Variants in ADARB2 observed in about 807,000 individuals in gnomAD.
The protein encoded by ADARB2 is inactive double-stranded RNA-specific editase B2.
Under a neutral mutation model 62.2 loss-of-function variants are expected in ADARB2, and 25 were observed. That is an observed-to-expected ratio of 0.40 (90% CI 0.29 to 0.56). The LOEUF (loss-of-function observed/expected upper bound fraction) is 0.56, where lower values mean the gene tolerates loss of function less well. Among genes scored for constraint, ADARB2 ranks in the 20% least tolerant of loss-of-function variants. The pLI, the probability that ADARB2 is intolerant of heterozygous loss-of-function variation, is 0.43. For synonymous variants in ADARB2, 572 were observed against 500.8 expected (o/e 1.14, Z -1.90); for missense variants, 1,071 against 1,077.4 (o/e 0.99, Z 0.08).
At chr10:1,672,430 C>A (rs1452823479) in intron 1 of ADARB2, among the ~76,000 whole-genome samples, 1 of 152,158 alleles carries the variant, frequency 6.6e-6, no homozygotes, top group African/African-American at 2.4e-5. Flanking sequence ...GACATACACC[C>A]AAGCGGGCAT....
chr10:1,645,685 C>G (rs958210899), intron 1 of ADARB2, among the ~76,000 whole-genome samples: 1 of 152,112 alleles, frequency 6.6e-6, no homozygotes, highest in Admixed American at 6.5e-5. Context: ...TGAGTCCATC[C>G]CTGGCACTTG....
At chr10:1,309,449 G>A (rs1486786096) in intron 3 of ADARB2, among the ~76,000 whole-genome samples, 2 of 152,202 alleles carry the variant, frequency 1.3e-5, no homozygotes, top group African/African-American at 4.8e-5. Flanking sequence ...AGTGGGCCAG[G>A]GCTGGCTCCT....
chr10:1,328,667 G>GT (rs1459413510), intron 3 of ADARB2, among the ~76,000 whole-genome samples: 1 of 152,156 alleles, frequency 6.6e-6, no homozygotes, highest in Non-Finnish European at 1.5e-5. Flanking sequence ...AGCTTGGCAT[G>GT]TAAAACTTCG....
chr10:1,544,368 G>A (rs1181698153), intron 1 of ADARB2, among the ~76,000 whole-genome samples: 9 of 152,156 alleles, frequency 5.9e-5, no homozygotes, highest in African/African-American at 1.7e-4. Context: ...TGCCACCTTC[G>A]GGGGCTCTGA....
chr10:1,658,228 T>TTC (rs924397807), intron 1 of ADARB2, among the ~76,000 whole-genome samples: 1 of 151,284 alleles, frequency 6.6e-6, no homozygotes, highest in Admixed American at 6.6e-5. Context: ...CTCTATCTGA[T>TTC]TCTCTCTCTC....
At chr10:1,447,265 T>C (rs80334103) in intron 1 of ADARB2, among the ~76,000 whole-genome samples, 13,637 of 152,262 alleles carry the variant, frequency 0.09, 680 homozygotes, top group South Asian at 0.19. Context: ...CACAGGTATC[T>C]GAGATTATCC....
intron 2 of ADARB2, among the ~76,000 whole-genome samples, chr10:1,370,494 A>T (rs1414835241): frequency 6.6e-6 from 1 of 152,248 alleles, no homozygotes; most frequent in Non-Finnish European, 1.5e-5. Context: ...AAATTGGAAA[A>T]GAGGAAGTGA....
chr10:1,390,964 A>G (rs1278793381), intron 1 of ADARB2, among the ~76,000 whole-genome samples: 1 of 152,200 alleles, frequency 6.6e-6, no homozygotes, highest in Non-Finnish European at 1.5e-5. Flanking sequence ...AGGATATACT[A>G]GGCCCTTGCT....
Position 1,474,360 on chromosome 10 carries a change from T to A in ADARB2, c.101-95200A>T, listed in dbSNP as rs117714677. ...GCAGTTTGGGGATGAGCTTCCATGA[T>A]GGAAATGTCTGGGACACACGGAGCT... On this transcript the variant is annotated intron_variant, in intron 1 of 9. Coordinates refer to ENST00000381312, the MANE Select transcript of ADARB2 (RefSeq NM_018702.4). 2.3e-3 allele frequency among the ~76,000 whole-genome samples: 349 copies of A among 152,118 alleles called. 4 individuals carry two copies. In the East Asian group the frequency reaches 0.034, roughly 15 times the overall value.
At chr10:1,377,882 T>C (rs1229721477) in intron 2 of ADARB2, among the ~76,000 whole-genome samples, 2 of 152,138 alleles carry the variant, frequency 1.3e-5, no homozygotes, top group African/African-American at 2.4e-5. Flanking sequence ...GTATAGTTAA[T>C]TATTATGCTG....
At chr10:1,267,472 G>A (rs1434174300) in intron 4 of ADARB2, among the ~76,000 whole-genome samples, 2 of 152,226 alleles carry the variant, frequency 1.3e-5, no homozygotes, top group South Asian at 4.1e-4. Context: ...AGAGCAGGAC[G>A]CCGGGTCTGC....
At chr10:1,533,773 G>A (rs780195062) in intron 1 of ADARB2, among the ~76,000 whole-genome samples, 40 of 152,156 alleles carry the variant, frequency 2.6e-4, no homozygotes, top group Non-Finnish European at 4.4e-4. Flanking sequence ...TAACATCAGC[G>A]TATGAAATGC....
chr10:1,725,095 G>C (rs933573527), intron 1 of ADARB2, among the ~76,000 whole-genome samples: 1 of 152,182 alleles, frequency 6.6e-6, no homozygotes, highest in African/African-American at 2.4e-5. Flanking sequence ...TGAGCGCATG[G>C]ACCCTGCAGA....
At chr10:1,290,224 C>CT (rs1167678942) in intron 3 of ADARB2, 1 of 151,860 alleles carries the variant, frequency 6.6e-6, no homozygotes, top group Non-Finnish European at 1.5e-5. Context: ...CAAGTGGATT[C>CT]TGTCCTCTGC....
In ADARB2 at chr10:1,344,325, C is replaced by T. The variant is rs780997709; in HGVS notation, c.1077+18703G>A. Among the ~76,000 whole-genome samples the T allele has an allele frequency of 3.3e-5, 5 of 152,326 alleles. No homozygotes were observed. The South Asian group carries it at 6.2e-4, about 19-fold the overall frequency. On this transcript the variant is annotated intron_variant, in intron 3 of 9. Transcript: ENST00000381312. ...TGTGAACTCTTGGAGCCTGCGTGGC[C>T]GTCGCGGCAATGACCTGGTGAGAAG...
At chr10:1,414,876 C>G (rs1409723345) in intron 1 of ADARB2, among the ~76,000 whole-genome samples, 1 of 152,066 alleles carries the variant, frequency 6.6e-6, no homozygotes, top group African/African-American at 2.4e-5. Context: ...GGATGAGTGG[C>G]TCATGGATGG....
intron 3 of ADARB2, among the ~76,000 whole-genome samples, chr10:1,296,619 G>C (rs1831525754): frequency 6.6e-6 from 1 of 152,166 alleles, no homozygotes; most frequent in Non-Finnish European, 1.5e-5. Flanking sequence ...GAAGGGGTCA[G>C]GATGGTTGTC....
chr10:1,588,033 A>C (rs1833202026), intron 1 of ADARB2, among the ~76,000 whole-genome samples: 1 of 152,182 alleles, frequency 6.6e-6, no homozygotes, highest in Non-Finnish European at 1.5e-5. Flanking sequence ...AACAGCTGAA[A>C]GCGGACTAAT....
intron 1 of ADARB2, among the ~76,000 whole-genome samples, chr10:1,387,095 T>C (rs1451225148): frequency 1.3e-5 from 2 of 151,900 alleles, no homozygotes; most frequent in Non-Finnish European, 2.9e-5. Context: ...CATAACACAA[T>C]TTGTGAAACA....
Sources: allele counts gnomAD v4.1 joint callset (sites outside exome capture counted in the v4.1 genomes callset), GRCh38; gene constraint gnomAD v4.1.1; transcripts MANE v1.5; gene names NCBI Gene and HGNC (gene_info 2026-07-23, HGNC 2026-07-21).